Variants in PSMC5 observed in about 807,000 individuals in gnomAD.
PSMC5 encodes the protein proteasome 26S subunit, ATPase 5.
PSMC5 carries 11 observed loss-of-function variants against 49.1 expected under a neutral mutation model. That is an observed-to-expected ratio of 0.22 (90% CI 0.14 to 0.37). The LOEUF is 0.37. PSMC5 is among the 10% of genes least tolerant of loss of function. The pLI, the probability that PSMC5 is intolerant of heterozygous loss-of-function variation, is 1.00. For missense variants in PSMC5, 229 were observed against 520.9 expected (o/e 0.44, Z 5.45); for synonymous variants, 206 against 192.2 (o/e 1.07, Z -0.59).
Position 63,831,977 on chromosome 17 carries a change from G to T in PSMC5, c.*8G>T. On this transcript the variant is annotated 3_prime_UTR_variant, in exon 12 of 12. Transcript: ENST00000310144. The surrounding 1 kb of genome is among the most constrained non-coding windows in gnomAD (Gnocchi z 6.3). ...AAGAAATTATGGAAGTGAGTGGACA[G>T]CCTTTGTGTGTATCTCTCCAATAAA... 6.2e-7 allele frequency: 1 copy of T among 1,612,370 alleles called. No individual in the cohort carries two copies. Among genetic ancestry groups the T allele is most frequent in the Non-Finnish European group, 8.5e-7 (1 of 1,178,356 alleles).
rs757116845 is a variant in PSMC5 at position 63,828,173 on chromosome 17, C to G, written c.60C>G (p.Leu20=). 9.3e-6 allele frequency: 15 copies of G among 1,613,972 alleles called. No individual in the cohort carries two copies. The highest frequency in any genetic ancestry group is 1.3e-5 in the Non-Finnish European group (15 of 1,180,020). ...AGGAGGGGAAGGCAGGCAGCGGACTCCGCCAATATTATCTGTCCAAGATTG... is the reference window on the plus strand; with the variant it reads ...AGGAGGGGAAGGCAGGCAGCGGACTGCGCCAATATTATCTGTCCAAGATTG... ...ELEEGKAGSG[L]RQYYLSKIEE... is the part of the protein sequence containing the mutation. Residue 20 remains leucine, a synonymous_variant, in exon 2 of 12, where the codon CTC becomes CTG. Transcript: ENST00000310144.
In PSMC5 at chr17:63,828,595, A is replaced by C. The variant is rs997273184; in HGVS notation, c.96+386A>C. 4 of 196,958 alleles carry C rather than the reference A, an allele frequency of 2.0e-5. No homozygotes were observed. In the South Asian group the frequency reaches 2.3e-4, roughly 11 times the overall value. The allele number at this position is 196,958 out of a possible 1,614,324, so 12.2% of individuals were successfully genotyped here. On this transcript the variant is annotated intron_variant, in intron 2 of 11. Transcript: ENST00000310144. ...TGAGGGTGAAGTGAGAATGTGAGGAAGGGCATCATTGAGGGATCTGGACAA... is the reference window on the plus strand; with the variant it reads ...TGAGGGTGAAGTGAGAATGTGAGGACGGGCATCATTGAGGGATCTGGACAA...
chr17:63,829,186 C>A, intron 2 of PSMC5: 1 of 315,052 alleles, frequency 3.2e-6, no homozygotes, highest in Non-Finnish European at 5.9e-6. Flanking sequence ...ATCTTTCCAC[C>A]AGGTGTTGTT....
At chr17:63,829,805 A>G (rs771401715) in intron 3 of PSMC5, 47 bp from the exon 4 acceptor site, 5 of 1,586,488 alleles carry the variant, frequency 3.2e-6, no homozygotes, top group Non-Finnish European at 4.3e-6. Context: ...GGTCCTGGAG[A>G]CTCCAAAGGA....
In PSMC5 at chr17:63,830,001, C is replaced by G; in HGVS notation, c.264+52C>G. On this transcript the variant is annotated intron_variant, in intron 4 of 11. Coordinates refer to ENST00000310144, the MANE Select transcript of PSMC5 (RefSeq NM_002805.6). The surrounding 1 kb of genome is among the most constrained non-coding windows in gnomAD (Gnocchi z 4.0). Reference sequence around the variant, plus strand: ...AGCTCGGTCTCCACTGCATTCCCACCCCTTTGTGTGTAGCCTCGGGAGACA... The same window carrying G: ...AGCTCGGTCTCCACTGCATTCCCACGCCTTTGTGTGTAGCCTCGGGAGACA... 1.3e-6 allele frequency: 2 copies of G among 1,571,764 alleles called. No homozygotes were observed. Among genetic ancestry groups the G allele is most frequent in the Non-Finnish European group, 1.7e-6 (2 of 1,154,580 alleles).
At position 63,827,713 on chromosome 17, in the gene PSMC5, G is replaced by A. The variant is rs984956622; in HGVS notation, c.24+199G>A. ...AGTCAGGGCAAGGCTGGGAGAGGAA[G>A]ACGCGGTAGAAGCGGAGTGAGTGAG... On this transcript the variant is annotated intron_variant, in intron 1 of 11. Coordinates refer to ENST00000310144, the MANE Select transcript of PSMC5 (RefSeq NM_002805.6). 5 of 1,440,054 alleles carry A rather than the reference G, an allele frequency of 3.5e-6. No homozygotes were observed. In the African/African-American group the frequency reaches 7.2e-5, roughly 21 times the overall value. 89.2% of individuals were successfully genotyped at this position (1,440,054 alleles called of 1,614,324 possible).
chr17:63,831,986 T>C lies in PSMC5; in HGVS notation c.*17T>C, dbSNP rs370922627. The C allele has an allele frequency of 3.5e-5, 57 of 1,610,718 alleles. No homozygotes were observed. The highest frequency in any genetic ancestry group is 6.7e-5 in the Admixed American group (4 of 59,998). On this transcript the variant is annotated 3_prime_UTR_variant, in exon 12 of 12. Transcript: ENST00000310144. The surrounding 1 kb of genome is among the most constrained non-coding windows in gnomAD (Gnocchi z 6.3). ...TGGAAGTGAGTGGACAGCCTTTGTG[T>C]GTATCTCTCCAATAAAGCTCTGTGG...
In PSMC5 at chr17:63,831,264, G is replaced by A; in HGVS notation, c.870+38G>A. ...CATCCTTGGGATGGGCCCAGGGAAG[G>A]CCTGGGTGCCACGCAGGCTGAGGAA... On this transcript the variant is annotated intron_variant, in intron 8 of 11. Transcript: ENST00000310144. This position sits in a 1 kb window ranked among gnomAD's most constrained non-coding sequence, Gnocchi z 6.3. 1 of 1,607,082 alleles carries A rather than the reference G, an allele frequency of 6.2e-7. No homozygotes were observed. Among genetic ancestry groups the A allele is most frequent in the Non-Finnish European group, 8.5e-7 (1 of 1,175,072 alleles).
Position 63,831,303 on chromosome 17 carries a change from T to C in PSMC5, c.871-24T>C, listed in dbSNP as rs772965215. On this transcript the variant is annotated intron_variant, in intron 8 of 11. Transcript: ENST00000310144. This position sits in a 1 kb window ranked among gnomAD's most constrained non-coding sequence, Gnocchi z 6.3. The stretch of plus-strand genomic sequence containing the variant: ...CAGGCTGAGGAAGAGGTTTAGCTGA[T>C]CCCCACTTGCTTTCTCTGCTCAGGT... 5.6e-6 allele frequency: 9 copies of C among 1,613,212 alleles called. No individual in the cohort carries two copies. Among genetic ancestry groups the C allele is most frequent in the Admixed American group, 1.7e-5 (1 of 59,972 alleles).
In PSMC5 at chr17:63,831,977, G is replaced by C; in HGVS notation, c.*8G>C. 1 of 1,612,370 alleles carries C rather than the reference G, an allele frequency of 6.2e-7. No homozygotes were observed. Among genetic ancestry groups the C allele is most frequent in the Non-Finnish European group, 8.5e-7 (1 of 1,178,356 alleles). The stretch of plus-strand genomic sequence containing the variant: ...AAGAAATTATGGAAGTGAGTGGACA[G>C]CCTTTGTGTGTATCTCTCCAATAAA... On this transcript the variant is annotated 3_prime_UTR_variant, in exon 12 of 12. Coordinates refer to ENST00000310144, the MANE Select transcript of PSMC5 (RefSeq NM_002805.6). This position sits in a 1 kb window ranked among gnomAD's most constrained non-coding sequence, Gnocchi z 6.3.
At chr17:63,828,745 C>T (rs2040143828) in intron 2 of PSMC5, 1 of 156,086 alleles carries the variant, frequency 6.4e-6, no homozygotes, top group Non-Finnish European at 1.4e-5. Flanking sequence ...AGTAAGGCTT[C>T]CAGCAGTAAG....
At position 63,830,598 on chromosome 17, in the gene PSMC5, T is replaced by C; in HGVS notation, c.552+97T>C. 1 of 1,525,508 alleles carries C rather than the reference T, an allele frequency of 6.6e-7. No homozygotes were observed. The highest frequency in any genetic ancestry group is 8.8e-7 in the Non-Finnish European group (1 of 1,137,826). The allele number at this position is 1,525,508 out of a possible 1,614,324, so 94.5% of individuals were successfully genotyped here. Reference sequence around the variant, plus strand: ...GGGTTGGGGAGGCACCGGGATAGGCTGCATCTTGCTTGGGCTGGCCCTCCC... The same window carrying C: ...GGGTTGGGGAGGCACCGGGATAGGCCGCATCTTGCTTGGGCTGGCCCTCCC... On this transcript the variant is annotated intron_variant, in intron 6 of 11. Transcript: ENST00000310144. The surrounding 1 kb of genome is among the most constrained non-coding windows in gnomAD (Gnocchi z 4.0).
In PSMC5 at chr17:63,830,695, C is replaced by CTTTTTTTTT; in HGVS notation, c.553-110_553-102dup. 1 of 1,243,512 alleles carries CTTTTTTTTT rather than the reference C, an allele frequency of 8.0e-7. No individual in the cohort carries two copies. The highest frequency in any genetic ancestry group is 1.6e-5 in the African/African-American group (1 of 62,328). 77.0% of individuals were successfully genotyped at this position (1,243,512 alleles called of 1,614,324 possible). On this transcript the variant is annotated intron_variant, in intron 6 of 11. Transcript: ENST00000310144. The surrounding 1 kb of genome is among the most constrained non-coding windows in gnomAD (Gnocchi z 4.0). ...TTGGATAGAAGGGACCTTGATGTTCCTTTTTTTTTTTTGTATCCCTAACAT... is the reference window on the plus strand; with the variant it reads ...TTGGATAGAAGGGACCTTGATGTTCCTTTTTTTTTTTTTTTTTTTTTGTATCCCTAACAT...
At chr17:63,828,005 T>A in intron 1 of PSMC5, 133 bp from the exon 2 acceptor site, 1 of 1,306,776 alleles carries the variant, frequency 7.7e-7, no homozygotes, top group Middle Eastern at 1.8e-4. Context: ...ACCCAGATCC[T>A]GAGCCTCCGA....
chr17:63,829,661 C>T (rs1266071672), intron 3 of PSMC5, 98 bp downstream of exon 3: 7 of 1,326,808 alleles, frequency 5.3e-6, no homozygotes, highest in Non-Finnish European at 6.3e-6. Context: ...TTACTGTTTT[C>T]TCCCTGTCAT....
At chr17:63,829,004 C>G (rs1479178656) in intron 2 of PSMC5, 1 of 154,172 alleles carries the variant, frequency 6.5e-6, no homozygotes, top group Non-Finnish European at 1.4e-5. Flanking sequence ...TTTTTGAATG[C>G]TTTTTCATGT....
intron 2 of PSMC5, 72 bp from the exon 3 acceptor site, chr17:63,829,422 G>C (rs912910172): frequency 7.1e-7 from 1 of 1,410,904 alleles, no homozygotes; most frequent in South Asian, 1.2e-5. Context: ...GACCTGTGAG[G>C]TCTTGGCCAA....
intron 2 of PSMC5, 162 bp downstream of exon 2, chr17:63,828,371 CA>C (rs372080348): frequency 6.4e-5 from 42 of 657,646 alleles, no homozygotes; most frequent in Middle Eastern, 8.4e-4. Context: ...CAGAAGTAAG[CA>C]ATCTCTTGTT....
chr17:63,827,600 G>T, intron 1 of PSMC5, 86 bp downstream of exon 1: 2 of 1,550,192 alleles, frequency 1.3e-6, no homozygotes, highest in South Asian at 1.2e-5. Flanking sequence ...GCCGGGGCAG[G>T]AGCGTCGGGT....
Sources: allele counts gnomAD v4.1 joint callset, GRCh38; gene constraint gnomAD v4.1.1; non-coding constraint Gnocchi (gnomAD v3.1); transcripts MANE v1.5; gene names NCBI Gene and HGNC (gene_info 2026-07-23, HGNC 2026-07-21).